DNAH9: variants seen among roughly 807,000 people sequenced by gnomAD.
DNAH9 encodes DNAH9 variant protein.
In DNAH9, 345 loss-of-function variants were observed where a neutral mutation model predicts 471.6. The observed-to-expected ratio is 0.73, with a 90% CI of 0.67 to 0.80. The LOEUF is 0.80. Ranked by LOEUF, DNAH9 falls within the 30% of genes least tolerant of loss-of-function variation. The pLI, the probability that DNAH9 is intolerant of heterozygous loss-of-function variation, is 0.00. For synonymous variants in DNAH9, 2,093 were observed against 2,123.6 expected, an observed-to-expected ratio of 0.99 and a Z score of 0.40; for missense variants, 5,407 against 5,609.2, an observed-to-expected ratio of 0.96 and a Z score of 1.15.
At chr17:11,695,647 T>G (rs557705771) in intron 22 of DNAH9, among the ~76,000 whole-genome samples, 1 of 152,306 alleles carries the variant, frequency 6.6e-6, no homozygotes, top group Admixed American at 6.5e-5. Flanking sequence ...CTACAGACAC[T>G]GGTTCTGAAA....
rs753165925 is a variant in DNAH9 at position 11,905,820 on chromosome 17, C to T, written c.11749+11C>T. The T allele has an allele frequency of 7.1e-5, 114 of 1,595,086 alleles. No homozygotes were observed. Among genetic ancestry groups the T allele is most frequent in the Middle Eastern group, 1.7e-4 (1 of 6,000 alleles). On this transcript the variant is annotated intron_variant, in intron 61 of 68. Transcript: ENST00000262442. Reference sequence around the variant, plus strand: ...ATGTAGAAAGTCAAGGTGAGAAAGGCGTCCTCTTGGAGCCAGGGCTGCATT... The same window carrying T: ...ATGTAGAAAGTCAAGGTGAGAAAGGTGTCCTCTTGGAGCCAGGGCTGCATT...
intron 19 of DNAH9, among the ~76,000 whole-genome samples, chr17:11,683,321 C>G (rs756177365): frequency 8.5e-5 from 13 of 152,138 alleles, no homozygotes; most frequent in Non-Finnish European, 1.5e-4. Context: ...TTACAGGTGC[C>G]CACCACCATG....
intron 27 of DNAH9, among the ~76,000 whole-genome samples, chr17:11,720,754 A>G (rs1397194682): frequency 2.0e-5 from 3 of 152,150 alleles, no homozygotes; most frequent in Admixed American, 2.0e-4. Flanking sequence ...GTCCTGTAGC[A>G]CCATGTTTTC....
chr17:11,900,615 C>T (rs1973378216), intron 59 of DNAH9, among the ~76,000 whole-genome samples: 1 of 151,980 alleles, frequency 6.6e-6, no homozygotes, highest in South Asian at 2.1e-4. Context: ...GCTAGGACTG[C>T]AGGCTCCTGA....
At chr17:11,815,047 C>G (rs972453403) in intron 45 of DNAH9, among the ~76,000 whole-genome samples, 2 of 152,190 alleles carry the variant, frequency 1.3e-5, no homozygotes, top group African/African-American at 2.4e-5. Flanking sequence ...CTCATTAGAT[C>G]TGCTCACTGG....
intron 15 of DNAH9, among the ~76,000 whole-genome samples, chr17:11,666,312 G>T (rs2073866440): frequency 6.6e-6 from 1 of 152,154 alleles, no homozygotes. Flanking sequence ...ACTAGAAGTG[G>T]TGCCTAAATG....
intron 66 of DNAH9, among the ~76,000 whole-genome samples, chr17:11,941,762 G>A (rs1974923255): frequency 6.6e-6 from 1 of 152,066 alleles, no homozygotes; most frequent in South Asian, 2.1e-4. Context: ...TAGATGGATA[G>A]ATGAATGACA....
rs185323217 is a variant in DNAH9 at position 11,693,100 on chromosome 17, A to C, written c.4615-768A>C. ...TTTTTTTTTTTTGTATCTTTAGTAG[A>C]GACGGGGTTTCACCATGTTGGTCAG... On this transcript the variant is annotated intron_variant, in intron 20 of 68. Coordinates refer to ENST00000262442, the MANE Select transcript of DNAH9 (RefSeq NM_001372.4). Among the ~76,000 whole-genome samples, 998 of 143,138 alleles carry C rather than the reference A, an allele frequency of 7.0e-3. 10 individuals are homozygous for C. The highest frequency in any genetic ancestry group is 0.024 in the African/African-American group (921 of 38,504). 93.9% of individuals were successfully genotyped at this position (143,138 alleles called of 152,430 possible).
intron 4 of DNAH9, chr17:11,612,097 A>G (rs2072650880): frequency 1.7e-6 from 1 of 578,486 alleles, no homozygotes; most frequent in South Asian, 2.2e-5. Context: ...AGGTGGAAGA[A>G]CTTATTGACT....
chr17:11,840,246 A>G (rs1040594041), intron 49 of DNAH9, among the ~76,000 whole-genome samples: 3 of 152,228 alleles, frequency 2.0e-5, no homozygotes, highest in African/African-American at 7.2e-5. Context: ...TGCTAAGTGA[A>G]ATGAGTCAGA....
rs1293991959 is a variant in DNAH9, at chr17:11,793,521, G to C, written c.8080G>C (p.Val2694Leu). ...NIFQGILFSS[V>L]ECVKSTWDLI... ...CTTGAAGGGCATTCTCTTCTCCTCA[G>C]TGGAATGTGTGAAATCCACATGGGA... The change falls in exon 42 of 69, where the codon GTG becomes CTG. Residue 2694 changes from valine (V) to leucine (L), a missense_variant. By Grantham distance (32) the Val-to-Leu change is conservative. Transcript: ENST00000262442. The C allele has an allele frequency of 6.2e-7, 1 of 1,612,566 alleles. No homozygotes were observed. The highest frequency in any genetic ancestry group is 8.5e-7 in the Non-Finnish European group (1 of 1,179,680).
intron 21 of DNAH9, 108 bp from the exon 22 acceptor site, chr17:11,694,213 G>A: frequency 1.5e-6 from 2 of 1,339,608 alleles, no homozygotes; most frequent in East Asian, 2.3e-5. Context: ...TGTTTCTTGT[G>A]CTAATGCATA....
chr17:11,822,071 C>T lies in DNAH9; in HGVS notation c.8850+9C>T. On this transcript the variant is annotated intron_variant, in intron 46 of 68. Transcript: ENST00000262442. Reference sequence around the variant, plus strand: ...TCCGGCGACAGCTGAAGGTAAAGAGCATTTACTGACAGGGGCAGGCAGAGA... The same window carrying T: ...TCCGGCGACAGCTGAAGGTAAAGAGTATTTACTGACAGGGGCAGGCAGAGA... The T allele has an allele frequency of 1.2e-6, 2 of 1,607,798 alleles. No individual in the cohort carries two copies. The highest frequency in any genetic ancestry group is 1.7e-6 in the Non-Finnish European group (2 of 1,177,794).
chr17:11,950,673 A>G (rs1975331894), intron 67 of DNAH9, among the ~76,000 whole-genome samples: 2 of 150,920 alleles, frequency 1.3e-5, no homozygotes, highest in Admixed American at 1.3e-4. Flanking sequence ...GCTATTTTAA[A>G]CTTTTTTCAA....
At position 11,902,886 on chromosome 17, in the gene DNAH9, G is replaced by A. The variant is rs1973460047; in HGVS notation, c.11574G>A (p.Arg3858=). 3.7e-6 allele frequency: 6 copies of A among 1,613,690 alleles called. No homozygotes were observed. Among genetic ancestry groups the A allele is most frequent in the Non-Finnish European group, 5.1e-6 (6 of 1,179,842 alleles). The part of the protein sequence containing the change: ...LQRLCMLRAM[R]PDRMTYALRD... ...GCCTCTGCATGCTGAGAGCCATGCG[G>A]CCCGACCGGATGACCTATGCTTTGC... Residue 3858 remains arginine (R), a synonymous_variant, in exon 60 of 69, where the codon CGG becomes CGA. Coordinates refer to ENST00000262442, the MANE Select transcript of DNAH9 (RefSeq NM_001372.4).
chr17:11,669,090 T>C lies in DNAH9; in HGVS notation c.2758T>C (p.Phe920Leu). 6.2e-7 allele frequency: 1 copy of C among 1,613,624 alleles called. No individual in the cohort carries two copies. The highest frequency in any genetic ancestry group is 1.7e-5 in the Admixed American group (1 of 59,984). ...TECKAGLTPI[F>L]EAQLSLAIPE... The stretch of plus-strand genomic sequence containing the variant: ...GTGTAAGGCAGGACTTACCCCAATA[T>C]TTGAAGCACAACTGAGTCTAGCCAT... The change falls in exon 16 of 69, where the codon TTT becomes CTT. Residue 920 changes from phenylalanine (F) to leucine (L), a missense_variant. Phe to Leu is a conservative substitution (Grantham distance 22). Around this residue, in one of 3 missense-constraint regions of DNAH9, gnomAD observed 4,636 missense variants for 4,900.3 expected, o/e 0.95. Coordinates refer to ENST00000262442, the MANE Select transcript of DNAH9 (RefSeq NM_001372.4).
chr17:11,966,806 A>C (rs144940808), intron 68 of DNAH9, among the ~76,000 whole-genome samples: 22 of 152,066 alleles, frequency 1.4e-4, no homozygotes, highest in African/African-American at 5.1e-4. Flanking sequence ...CAAGCCTGTA[A>C]TCCCAGCACT....
chr17:11,763,672 T>A (rs1260845947), intron 36 of DNAH9, 58 bp downstream of exon 36: 1 of 1,515,640 alleles, frequency 6.6e-7, no homozygotes, highest in African/African-American at 1.4e-5. Flanking sequence ...CAAAAACTGA[T>A]CCTTTAGCAA....
chr17:11,822,099 C>T lies in DNAH9; in HGVS notation c.8850+37C>T, dbSNP rs768757990. The T allele has an allele frequency of 5.0e-6, 8 of 1,588,970 alleles. No homozygotes were observed. The East Asian group carries it at 6.7e-5, about 13-fold the overall frequency. ...TTACTGACAGGGGCAGGCAGAGACCCGAGATGATTCATGGGAGCTTCCACT... is the reference window on the plus strand; with the variant it reads ...TTACTGACAGGGGCAGGCAGAGACCTGAGATGATTCATGGGAGCTTCCACT... On this transcript the variant is annotated intron_variant, in intron 46 of 68. Coordinates refer to ENST00000262442, the MANE Select transcript of DNAH9 (RefSeq NM_001372.4).
Sources: gnomAD v4.1 joint callset for allele counts (sites outside exome capture counted in the v4.1 genomes callset) on GRCh38, gnomAD v4.1.1 for gene constraint, gnomAD v4.1.1 regional missense constraint, MANE v1.5 for transcripts, NCBI Gene and HGNC (gene_info 2026-07-23, HGNC 2026-07-21) for gene names.